SMURF2: variants seen among roughly 807,000 people sequenced by gnomAD.
SMURF2 encodes SMAD specific E3 ubiquitin protein ligase 2.
SMURF2 carries 48 observed loss-of-function variants against 109.6 expected under a neutral mutation model. That is an observed-to-expected ratio of 0.44 (90% CI 0.35 to 0.56). The LOEUF is 0.56. Ranked by LOEUF, SMURF2 falls within the 20% of genes least tolerant of loss-of-function variation. SMURF2 has a pLI of 0.01. For synonymous variants in SMURF2, 288 were observed against 317.1 expected (o/e 0.91, Z 0.97); for missense variants, 575 against 909.0 (o/e 0.63, Z 4.72).
At chr17:64,589,311 C>T (rs1969715755) in intron 5 of SMURF2, among the ~76,000 whole-genome samples, 1 of 151,566 alleles carries the variant, frequency 6.6e-6, no homozygotes, top group East Asian at 1.9e-4. Context: ...CAGTAGTTGG[C>T]AAGCATTATG....
At chr17:64,564,911 C>T (rs536424642) in intron 10 of SMURF2, among the ~76,000 whole-genome samples, 6 of 152,220 alleles carry the variant, frequency 3.9e-5, no homozygotes, top group Non-Finnish European at 8.8e-5. Flanking sequence ...GTGGAAGTCC[C>T]ACAGGGAGGG....
Position 64,547,924 on chromosome 17 carries a change from A to G in SMURF2, c.1870-123T>C. The G allele has an allele frequency of 1.3e-6, 1 of 742,436 alleles. No homozygotes were observed. Among genetic ancestry groups the G allele is most frequent in the Non-Finnish European group, 2.2e-6 (1 of 446,038 alleles). 46.0% of individuals were successfully genotyped at this position (742,436 alleles called of 1,614,324 possible). On this transcript the variant is annotated intron_variant, in intron 16 of 18. Transcript: ENST00000262435. The surrounding 1 kb of genome is among the most constrained non-coding windows in gnomAD (Gnocchi z 4.2). ...TGGTGGTTCCTAATTAAAGATGCAC[A>G]TCAGAATCATCTGAAAAGCTTTTCA...
intron 9 of SMURF2, among the ~76,000 whole-genome samples, chr17:64,572,498 T>C (rs1555685661): frequency 6.6e-6 from 1 of 152,190 alleles, no homozygotes; most frequent in Admixed American, 6.5e-5. Context: ...ATCTGTAAAG[T>C]TAGTCAATGA....
Position 64,593,541 on chromosome 17 carries a change from C to G in SMURF2, c.233G>C (p.Ser78Thr), listed in dbSNP as rs1319285082. Residue 78 changes from serine (S) to threonine (T), a missense_variant, in exon 4 of 19, where the codon AGT becomes ACT. Ser to Thr is a moderately conservative substitution (Grantham distance 58). Transcript: ENST00000262435. ...YIGKSDSVTI[S>T]VWNHKKIHKK... ...ATGGATCTTCTTGTGATTCCATACA[C>G]TGATCGTAACTGAATCAGACTTTCC... 12 of 1,580,854 alleles carry G rather than the reference C, an allele frequency of 7.6e-6. No individual in the cohort carries two copies. The highest frequency in any genetic ancestry group is 3.4e-5 in the Admixed American group (2 of 58,712).
In SMURF2 at chr17:64,555,941, C is replaced by T; in HGVS notation, c.1489G>A (p.Gly497Arg). The T allele has an allele frequency of 6.2e-7, 1 of 1,613,266 alleles. No individual in the cohort carries two copies. The highest frequency in any genetic ancestry group is 8.5e-7 in the Non-Finnish European group (1 of 1,179,598). ...GTGAAACCACCATCAATATAATGTC[C>T]ATGAAACACAGCCATTCCCATTATT... ...GRIMGMAVFH[G>R]HYIDGGFTLP... The change falls in exon 14 of 19, where the codon GGA becomes AGA. Residue 497 changes from glycine to arginine, a missense_variant. Around this residue, in one of 5 missense-constraint regions of SMURF2, gnomAD observed 361 missense variants for 612.1 expected, o/e 0.59. Coordinates refer to ENST00000262435, the MANE Select transcript of SMURF2 (RefSeq NM_022739.4).
chr17:64,576,271 T>G (rs1433586520), intron 9 of SMURF2, among the ~76,000 whole-genome samples: 1 of 151,964 alleles, frequency 6.6e-6, no homozygotes, highest in East Asian at 1.9e-4. Flanking sequence ...ATCACTAAAT[T>G]TATTTGTGTG....
At chr17:64,546,811 A>G (rs1466232471) in intron 17 of SMURF2, among the ~76,000 whole-genome samples, 2 of 152,252 alleles carry the variant, frequency 1.3e-5, no homozygotes, top group African/African-American at 4.8e-5. Context: ...TAGCAGAAAT[A>G]CAACTTCACT....
chr17:64,596,130 A>G (rs1370302143), intron 3 of SMURF2, among the ~76,000 whole-genome samples: 6 of 152,120 alleles, frequency 3.9e-5, no homozygotes, highest in Non-Finnish European at 8.8e-5. Flanking sequence ...AAGTAGCTCA[A>G]TATTTTTATA....
chr17:64,592,549 A>G (rs1969764533), intron 4 of SMURF2, among the ~76,000 whole-genome samples: 1 of 152,180 alleles, frequency 6.6e-6, no homozygotes, highest in African/African-American at 2.4e-5. Flanking sequence ...TTTAATAGTC[A>G]ATGCTAAATT....
chr17:64,554,808 T>C (rs1555683890), intron 15 of SMURF2, 48 bp downstream of exon 15: 9 of 1,573,156 alleles, frequency 5.7e-6, no homozygotes, highest in South Asian at 1.1e-5. Flanking sequence ...ATACTAACAT[T>C]CTAGAACATT....
chr17:64,618,614 A>C (rs1555690311), intron 1 of SMURF2, among the ~76,000 whole-genome samples: 2 of 152,176 alleles, frequency 1.3e-5, no homozygotes. Flanking sequence ...ATTCAAACAG[A>C]CCCACTCATA....
chr17:64,568,711 A>T (rs1555685305), intron 10 of SMURF2, among the ~76,000 whole-genome samples: 1 of 152,104 alleles, frequency 6.6e-6, no homozygotes, highest in Non-Finnish European at 1.5e-5. Context: ...TGCCCTTTAA[A>T]AAAACCCAGG....
At chr17:64,603,744 T>C (rs566104270) in intron 2 of SMURF2, among the ~76,000 whole-genome samples, 2 of 152,252 alleles carry the variant, frequency 1.3e-5, no homozygotes, top group African/African-American at 4.8e-5. Context: ...AGTGACTTAT[T>C]TTTAAAAGCC....
chr17:64,547,664 T>A lies in SMURF2; in HGVS notation c.2007A>T (p.Ala669=). ...ATCCTGTCACAAACTGAAGCAATCTTGCTCGTCGCTCTTCATCAAAAAACT... is the reference window on the plus strand; with the variant it reads ...ATCCTGTCACAAACTGAAGCAATCTAGCTCGTCGCTCTTCATCAAAAAACT... The part of the protein sequence containing the change: ...AVEFFDEERR[A]RLLQFVTGSS... Residue 669 remains alanine (A), a synonymous_variant, in exon 17 of 19, where the codon GCA becomes GCT. Coordinates refer to ENST00000262435, the MANE Select transcript of SMURF2 (RefSeq NM_022739.4). This position sits in a 1 kb window ranked among gnomAD's most constrained non-coding sequence, Gnocchi z 4.2. 1 of 1,614,144 alleles carries A rather than the reference T, an allele frequency of 6.2e-7. No homozygotes were observed. The highest frequency in any genetic ancestry group is 8.5e-7 in the Non-Finnish European group (1 of 1,180,020).
In SMURF2 at chr17:64,662,256, C is replaced by G. The variant is rs1336240123; in HGVS notation, c.-376G>C. 1 of 983,400 alleles carries G rather than the reference C, an allele frequency of 1.0e-6. No individual in the cohort carries two copies. Among genetic ancestry groups the G allele is most frequent in the Non-Finnish European group, 1.2e-6 (1 of 829,170 alleles). The allele number at this position is 983,400 out of a possible 1,614,324, so 60.9% of individuals were successfully genotyped here. On this transcript the variant is annotated 5_prime_UTR_variant, in exon 1 of 19. Transcript: ENST00000262435. ...TGAAGCGGGCGGTGCTCGGGGGCGC[C>G]GGAGCAGAACTCTGGGCTCGGCCGC...
chr17:64,559,272 G>A (rs1425526020), intron 12 of SMURF2, among the ~76,000 whole-genome samples: 15 of 152,062 alleles, frequency 9.9e-5, no homozygotes, highest in Non-Finnish European at 2.1e-4. Context: ...CATTTATTCT[G>A]CTCAAACCCT....
chr17:64,660,521 T>A (rs1163108133), intron 1 of SMURF2, among the ~76,000 whole-genome samples: 3 of 152,228 alleles, frequency 2.0e-5, no homozygotes, highest in Non-Finnish European at 4.4e-5. Context: ...TTATTTAAAT[T>A]GCAGCCAACA....
chr17:64,560,785 A>AC (rs1396701413), intron 12 of SMURF2: 18 of 135,172 alleles, frequency 1.3e-4, no homozygotes, highest in African/African-American at 5.2e-4. Context: ...ACATGGCAAA[A>AC]CCCCATCTCT....
chr17:64,557,736 T>C lies in SMURF2; in HGVS notation c.1317-14A>G. ...TACAACCATTCCCTAGAAAACAAGA[T>C]ATGACCAAGGAATTTTTTTGTTAAT... On this transcript the variant is annotated splice_polypyrimidine_tract_variant and intron_variant, in intron 12 of 18. Transcript: ENST00000262435. The C allele has an allele frequency of 6.7e-7, 1 of 1,502,316 alleles. No individual in the cohort carries two copies. Among genetic ancestry groups the C allele is most frequent in the Non-Finnish European group, 9.2e-7 (1 of 1,090,834 alleles). 93.1% of individuals were successfully genotyped at this position (1,502,316 alleles called of 1,614,324 possible). A position where few individuals can be genotyped will look rare whatever the true frequency, so the allele number is the denominator to read the frequency against.
Sources: gnomAD v4.1 joint callset for allele counts (sites outside exome capture counted in the v4.1 genomes callset) on GRCh38, gnomAD v4.1.1 for gene constraint, gnomAD v4.1.1 regional missense constraint, Gnocchi (gnomAD v3.1) non-coding constraint, MANE v1.5 for transcripts, NCBI Gene and HGNC (gene_info 2026-07-23, HGNC 2026-07-21) for gene names.